The following GPR26 variants were observed in gnomAD, a reference collection of about 807,000 sequenced individuals.
GPR26 encodes G protein-coupled receptor 26.
GPR26 carries 15 observed loss-of-function variants against 23.1 expected under a neutral mutation model. That is an observed-to-expected ratio of 0.65 (90% CI 0.43 to 1.00). GPR26 has a LOEUF of 1.00. GPR26 is among the 50% of genes least tolerant of loss of function. The probability of loss-of-function intolerance (pLI) is 0.00; values close to 1 mark genes in which losing one functional copy is unlikely to be tolerated. For missense variants in GPR26, 359 were observed against 470.5 expected, an observed-to-expected ratio of 0.76 and a Z score of 2.19; for synonymous variants, 228 against 222.1, an observed-to-expected ratio of 1.03 and a Z score of -0.24.
chr10:123,679,260 A>G (rs1257500382), intron 2 of GPR26, among the ~76,000 whole-genome samples: 1 of 152,184 alleles, frequency 6.6e-6, no homozygotes, highest in African/African-American at 2.4e-5. Flanking sequence ...TGGTTGCACC[A>G]TGCAGACCAA....
intron 2 of GPR26, among the ~76,000 whole-genome samples, chr10:123,683,951 AG>A (rs1589929716): frequency 6.6e-6 from 1 of 152,044 alleles, no homozygotes; most frequent in East Asian, 1.9e-4. Context: ...AGGCTTCCAT[AG>A]GGGCTGGGCT....
Position 123,691,099 on chromosome 10 carries a change from C to T in GPR26, c.*2939C>T, listed in dbSNP as rs34522123. On this transcript the variant is annotated 3_prime_UTR_variant, in exon 3 of 3. Coordinates refer to ENST00000284674, the MANE Select transcript of GPR26 (RefSeq NM_153442.4). ...ACAATCAGAATTTGCCTTTTTAAGT[C>T]ACGCTGCAACTATTCCGGCTTTTTA... is the stretch of plus-strand genomic sequence containing the variant. The T allele has an allele frequency of 3.3e-5, 5 of 152,178 alleles. No homozygotes were observed. The East Asian group carries it at 9.6e-4, about 29-fold the overall frequency. The allele number at this position is 152,178 out of a possible 1,614,324, so 9.4% of individuals were successfully genotyped here. A position where few individuals can be genotyped will look rare whatever the true frequency, so the allele number is the denominator to read the frequency against.
intron 2 of GPR26, among the ~76,000 whole-genome samples, chr10:123,677,418 C>T (rs1845322471): frequency 6.6e-6 from 1 of 152,152 alleles, no homozygotes; most frequent in Non-Finnish European, 1.5e-5. Context: ...TGGCAGAACC[C>T]CGCCGGGCCC....
At chr10:123,669,917 T>C (rs1845231929) in intron 1 of GPR26, among the ~76,000 whole-genome samples, 2 of 152,212 alleles carry the variant, frequency 1.3e-5, no homozygotes, top group African/African-American at 4.8e-5. Flanking sequence ...TGGTGCTCCA[T>C]CTGAATGAGC....
At position 123,671,718 on chromosome 10, in the gene GPR26, G is replaced by A. The variant is rs190173883; in HGVS notation, c.669-3100G>A. ...CCACTCAGTGATTCTATGGCAGGCA[G>A]TGGGGTCTCAGGGAGCCACCCCAGA... On this transcript the variant is annotated intron_variant, in intron 1 of 2. Coordinates refer to ENST00000284674, the MANE Select transcript of GPR26 (RefSeq NM_153442.4). Among the ~76,000 whole-genome samples the A allele has an allele frequency of 2.4e-3, 368 of 152,328 alleles. 1 individual carries two copies. Among genetic ancestry groups the A allele is most frequent in the Non-Finnish European group, 4.1e-3 (282 of 68,040 alleles).
chr10:123,675,994 C>A (rs1206542924), intron 2 of GPR26, among the ~76,000 whole-genome samples: 1 of 152,202 alleles, frequency 6.6e-6, no homozygotes, highest in Non-Finnish European at 1.5e-5. Flanking sequence ...GGAGGGGGCC[C>A]TGTGGACAGT....
intron 1 of GPR26, among the ~76,000 whole-genome samples, chr10:123,670,485 A>G (rs1845237068): frequency 6.6e-6 from 1 of 152,190 alleles, no homozygotes; most frequent in Non-Finnish European, 1.5e-5. Flanking sequence ...TCAGCTTACA[A>G]ACTGTTAAAT....
intron 1 of GPR26, among the ~76,000 whole-genome samples, chr10:123,667,945 G>A (rs974471662): frequency 2.6e-5 from 4 of 152,288 alleles, no homozygotes; most frequent in Admixed American, 6.5e-5. Context: ...ATAGGAAATC[G>A]AGGAGGGAAA....
rs890802007 is a variant in GPR26, at chr10:123,693,827, G to A, written c.*5667G>A. On this transcript the variant is annotated 3_prime_UTR_variant, in exon 3 of 3. Coordinates refer to ENST00000284674, the MANE Select transcript of GPR26 (RefSeq NM_153442.4). Reference sequence around the variant, plus strand: ...ATCAGAGGTCCCAAGGAACACAATCGTGCAACTTCCTAGGGAATCTGCATC... The same window carrying A: ...ATCAGAGGTCCCAAGGAACACAATCATGCAACTTCCTAGGGAATCTGCATC... 4 of 152,362 alleles carry A rather than the reference G, an allele frequency of 2.6e-5. No individual in the cohort carries two copies. The highest frequency in any genetic ancestry group is 4.1e-4 in the South Asian group (2 of 4,828). The allele number at this position is 152,362 out of a possible 1,614,324, so 9.4% of individuals were successfully genotyped here.
At chr10:123,678,589 C>T (rs74161051) in intron 2 of GPR26, among the ~76,000 whole-genome samples, 1 of 152,136 alleles carries the variant, frequency 6.6e-6, no homozygotes, top group Non-Finnish European at 1.5e-5. Flanking sequence ...GCAATCACAC[C>T]CCTCTTGGAG....
At chr10:123,687,481 G>A (rs1845441179) in intron 2 of GPR26, among the ~76,000 whole-genome samples, 1 of 152,172 alleles carries the variant, frequency 6.6e-6, no homozygotes, top group African/African-American at 2.4e-5. Flanking sequence ...TGACAAGTCA[G>A]CAGCAGAGTT....
rs1261467353 is a variant in GPR26 at position 123,696,045 on chromosome 10, G to A, written c.*7885G>A. 1.3e-5 allele frequency among the ~76,000 whole-genome samples: 2 copies of A among 152,164 alleles called. No homozygotes were observed. Among genetic ancestry groups the A allele is most frequent in the Non-Finnish European group, 2.9e-5 (2 of 68,032 alleles). ...GAATAGGCCAGATTTAATTTTCACA[G>A]GCTCATCTGGGAGAAGGATCAAATC... On this transcript the variant is annotated 3_prime_UTR_variant, in exon 3 of 3. Coordinates refer to ENST00000284674, the MANE Select transcript of GPR26 (RefSeq NM_153442.4).
chr10:123,688,383 G>A lies in GPR26; in HGVS notation c.*223G>A. ...ACCAAAGGATGACTGTAGGCCGTGT[G>A]CTGGCCTTTCTTTCTAAGAAGCTGC... On this transcript the variant is annotated 3_prime_UTR_variant, in exon 3 of 3. Transcript: ENST00000284674. The A allele has an allele frequency of 1.8e-6, 1 of 558,978 alleles. No individual in the cohort carries two copies. The highest frequency in any genetic ancestry group is 2.1e-5 in the South Asian group (1 of 48,178). 34.6% of individuals were successfully genotyped at this position (558,978 alleles called of 1,614,324 possible). A position where few individuals can be genotyped will look rare whatever the true frequency, so the allele number is the denominator to read the frequency against.
intron 2 of GPR26, among the ~76,000 whole-genome samples, chr10:123,687,436 G>T (rs72841611): frequency 0.14 from 21,181 of 152,174 alleles, 1,938 homozygotes; most frequent in Non-Finnish European, 0.21. Context: ...GAGACATGCA[G>T]GTCCAAGGAG....
chr10:123,676,845 G>A (rs549005760), intron 2 of GPR26, among the ~76,000 whole-genome samples: 1 of 152,316 alleles, frequency 6.6e-6, no homozygotes, highest in South Asian at 2.1e-4. Flanking sequence ...GGAGTGCAGT[G>A]TTGTGAGGAT....
intron 2 of GPR26, among the ~76,000 whole-genome samples, chr10:123,677,183 T>TA (rs377216166): frequency 5.4e-4 from 81 of 151,012 alleles, no homozygotes; most frequent in African/African-American, 1.4e-3. Flanking sequence ...ATTTTCCTTT[T>TA]AAAAAAAAAA....
rs1845521608 is a variant in GPR26 at position 123,694,529 on chromosome 10, A to T, written c.*6369A>T. On this transcript the variant is annotated 3_prime_UTR_variant, in exon 3 of 3. Transcript: ENST00000284674. Reference sequence around the variant, plus strand: ...TTAGCTACCAAAAAAGAGAAGGAAGAAAGAAAAGAAATAAGAAGAGAAGCA... The same window carrying T: ...TTAGCTACCAAAAAAGAGAAGGAAGTAAGAAAAGAAATAAGAAGAGAAGCA... The T allele has an allele frequency of 1.4e-5, 2 of 146,426 alleles. No individual in the cohort carries two copies. Among genetic ancestry groups the T allele is most frequent in the Admixed American group, 7.0e-5 (1 of 14,252 alleles). The allele number at this position is 146,426 out of a possible 1,614,324, so 9.1% of individuals were successfully genotyped here.
At chr10:123,673,292 C>T (rs1173639150) in intron 1 of GPR26, among the ~76,000 whole-genome samples, 1 of 152,154 alleles carries the variant, frequency 6.6e-6, no homozygotes, top group Admixed American at 6.5e-5. Flanking sequence ...GATTAAGTAT[C>T]AAAATCATGA....
At position 123,674,708 on chromosome 10, in the gene GPR26, C is replaced by A; in HGVS notation, c.669-110C>A. The A allele has an allele frequency of 1.4e-6, 1 of 689,692 alleles. No individual in the cohort carries two copies. Among genetic ancestry groups the A allele is most frequent in the Non-Finnish European group, 2.5e-6 (1 of 397,730 alleles). 42.7% of individuals were successfully genotyped at this position (689,692 alleles called of 1,614,324 possible). A position where few individuals can be genotyped will look rare whatever the true frequency, so the allele number is the denominator to read the frequency against. ...AGTTGACGCTGGGTCTTTCCGACTC[C>A]ATAGTCAAGTTCTCACACTAGAGAC... On this transcript the variant is annotated intron_variant, in intron 1 of 2. Coordinates refer to ENST00000284674, the MANE Select transcript of GPR26 (RefSeq NM_153442.4). This position sits in a 1 kb window ranked among gnomAD's most constrained non-coding sequence, Gnocchi z 4.1.
Sources: allele counts gnomAD v4.1 joint callset (sites outside exome capture counted in the v4.1 genomes callset), GRCh38; gene constraint gnomAD v4.1.1; non-coding constraint Gnocchi (gnomAD v3.1); transcripts MANE v1.5; gene names NCBI Gene and HGNC (gene_info 2026-07-23, HGNC 2026-07-21).